Variants in PDCL observed in about 807,000 individuals in gnomAD.
PDCL encodes phosducin like, also known as phosducin-like protein.
In PDCL, 11 loss-of-function variants were observed where a neutral mutation model predicts 26.7. The observed-to-expected ratio is 0.41, with a 90% CI of 0.26 to 0.68. The LOEUF (loss-of-function observed/expected upper bound fraction) is 0.68. Ranked by LOEUF, PDCL falls within the 30% of genes least tolerant of loss-of-function variation. PDCL has a pLI of 0.30. For missense variants in PDCL, 330 were observed against 371.6 expected (o/e 0.89, Z 0.92); for synonymous variants, 118 against 134.9 (o/e 0.87, Z 0.87).
At chr9:122,821,614 T>C (rs1420078841) in intron 3 of PDCL, among the ~76,000 whole-genome samples, 1 of 152,232 alleles carries the variant, frequency 6.6e-6, no homozygotes, top group African/African-American at 2.4e-5. Flanking sequence ...GTCACTTTGC[T>C]TAATCACTTC....
At position 122,819,242 on chromosome 9, in the gene PDCL, G is replaced by A. The variant is rs1428015697; in HGVS notation, c.*843C>T. The stretch of plus-strand genomic sequence containing the variant: ...CTTATTTTTGCTTCTGTTTTGGTCA[G>A]TTTTCCTCTACTGAATATGAATTAC... On this transcript the variant is annotated 3_prime_UTR_variant, in exon 4 of 4. Transcript: ENST00000259467. The A allele has an allele frequency of 6.7e-6, 1 of 149,874 alleles. No homozygotes were observed. The highest frequency in any genetic ancestry group is 1.5e-5 in the Non-Finnish European group (1 of 67,754). The allele number at this position is 149,874 out of a possible 1,614,324, so 9.3% of individuals were successfully genotyped here.
rs1165179338 is a variant in PDCL, at chr9:122,826,635, T to G, written c.153A>C (p.Glu51Asp). ...CAGTACCTGTGTTAACTGAGATGCC[T>G]TCGCCTGCCAGCTCAGCCTCTGCAG... is the stretch of plus-strand genomic sequence containing the variant. The part of the protein sequence containing the change: ...SVPAEAELAG[E>D]GISVNTGPKG... The change falls in exon 2 of 4, where the codon GAA (glutamate) becomes GAC (aspartate). Residue 51 changes from glutamate (E) to aspartate (D), a missense_variant. Physicochemically the swap from Glu to Asp is conservative, Grantham distance 45. Coordinates refer to ENST00000259467, the MANE Select transcript of PDCL (RefSeq NM_005388.5). 1 of 1,614,206 alleles carries G rather than the reference T, an allele frequency of 6.2e-7. No individual in the cohort carries two copies. The highest frequency in any genetic ancestry group is 8.5e-7 in the Non-Finnish European group (1 of 1,180,026).
rs1829535820 is a variant in PDCL at position 122,820,267 on chromosome 9, C to T, written c.724G>A (p.Gly242Ser). 2 of 1,614,118 alleles carry T rather than the reference C, an allele frequency of 1.2e-6. No individual in the cohort carries two copies. Among genetic ancestry groups the T allele is most frequent in the East Asian group, 4.5e-5 (2 of 44,882 alleles). The change falls in exon 4 of 4, where the codon GGT becomes AGT. Residue 242 changes from glycine to serine, a missense_variant. Coordinates refer to ENST00000259467, the MANE Select transcript of PDCL (RefSeq NM_005388.5). ...CGAACAAAATTGCCGATCAATTCAC[C>T]CCCCTTATAGATCAGCAGGGCAGGA... The part of the protein sequence containing the change: ...ALPALLIYKG[G>S]ELIGNFVRVT...
chr9:122,825,457 C>T (rs1018887222), intron 2 of PDCL, among the ~76,000 whole-genome samples: 51 of 152,184 alleles, frequency 3.4e-4, no homozygotes, highest in Non-Finnish European at 6.6e-4. Context: ...CCACTGTGCT[C>T]AGCCAGGAGA....
rs1829537473 is a variant in PDCL, at chr9:122,820,376, A to C, written c.615T>G (p.Leu205=). The change falls in exon 4 of 4, where the codon CTT becomes CTG. Residue 205 remains leucine (L), a synonymous_variant. Transcript: ENST00000259467. ...ACTTGACAGCTGGGTACTCTGCGGC[A>C]AGGCAGATCATGCAACCATTCATGG... ...TEAMNGCMIC[L]AAEYPAVKFC... is the part of the protein sequence containing the mutation. 6.2e-7 allele frequency: 1 copy of C among 1,614,084 alleles called. No individual in the cohort carries two copies. The highest frequency in any genetic ancestry group is 1.3e-5 in the African/African-American group (1 of 74,926).
Position 122,819,244 on chromosome 9 carries a change from T to C in PDCL, c.*841A>G, listed in dbSNP as rs1372906031. 1 of 152,006 alleles carries C rather than the reference T, an allele frequency of 6.6e-6. No individual in the cohort carries two copies. The highest frequency in any genetic ancestry group is 1.5e-5 in the Non-Finnish European group (1 of 68,016). 9.4% of individuals were successfully genotyped at this position (152,006 alleles called of 1,614,324 possible). On this transcript the variant is annotated 3_prime_UTR_variant, in exon 4 of 4. Coordinates refer to ENST00000259467, the MANE Select transcript of PDCL (RefSeq NM_005388.5). ...TATTTTTGCTTCTGTTTTGGTCAGT[T>C]TTCCTCTACTGAATATGAATTACTT...
rs751358221 is a variant in PDCL at position 122,823,175 on chromosome 9, G to A, written c.195C>T (p.Asp65=). The part of the protein sequence containing the change: ...VNTGPKGVIN[D]WRRFKQLETE... ...TCTCCAACTGCTTGAAGCGGCGCCA[G>A]TCATTGATCACACCTTTTGGGCCTG... The change falls in exon 3 of 4, where the codon GAC becomes GAT. Residue 65 remains aspartate, a synonymous_variant. Coordinates refer to ENST00000259467, the MANE Select transcript of PDCL (RefSeq NM_005388.5). 70 of 1,613,972 alleles carry A rather than the reference G, an allele frequency of 4.3e-5. No homozygotes were observed. In the South Asian group the frequency reaches 6.9e-4, roughly 16 times the overall value.
chr9:122,820,843 A>C, intron 3 of PDCL: 3 of 510,016 alleles, frequency 5.9e-6, no homozygotes, highest in East Asian at 4.2e-5. Context: ...AAAAAAAAAA[A>C]AGTTAGCAGG....
chr9:122,821,081 A>G (rs1476842926), intron 3 of PDCL, among the ~76,000 whole-genome samples: 1 of 152,154 alleles, frequency 6.6e-6, no homozygotes, highest in Non-Finnish European at 1.5e-5. Context: ...CTTTACATGC[A>G]TTATATCTCA....
At chr9:122,826,221 A>G (rs755015587) in intron 2 of PDCL, among the ~76,000 whole-genome samples, 2 of 152,248 alleles carry the variant, frequency 1.3e-5, no homozygotes, top group Non-Finnish European at 2.9e-5. Context: ...ACGGAGAAAC[A>G]CAGATTGCTG....
rs1308625450 is a variant in PDCL at position 122,818,846 on chromosome 9, T to A, written c.*1239A>T. On this transcript the variant is annotated 3_prime_UTR_variant, in exon 4 of 4. Transcript: ENST00000259467. The stretch of plus-strand genomic sequence containing the variant: ...GGATTAATTTTGGTTGGTGGAATTA[T>A]ATGGCTTTTAAGTCTTAACAGTGTT... 2 of 152,140 alleles carry A rather than the reference T, an allele frequency of 1.3e-5. No homozygotes were observed. The highest frequency in any genetic ancestry group is 2.9e-5 in the Non-Finnish European group (2 of 68,000). 9.4% of individuals were successfully genotyped at this position (152,140 alleles called of 1,614,324 possible).
chr9:122,818,760 G>C lies in PDCL; in HGVS notation c.*1325C>G, dbSNP rs1829517183. 1 of 151,548 alleles carries C rather than the reference G, an allele frequency of 6.6e-6. No individual in the cohort carries two copies. The highest frequency in any genetic ancestry group is 6.6e-5 in the Admixed American group (1 of 15,218). 9.4% of individuals were successfully genotyped at this position (151,548 alleles called of 1,614,324 possible). On this transcript the variant is annotated 3_prime_UTR_variant, in exon 4 of 4. Coordinates refer to ENST00000259467, the MANE Select transcript of PDCL (RefSeq NM_005388.5). ...TTAAAAAAAGGAAAAAAACGCAAAT[G>C]ATAATTATTATAAATACATAGAAAA...
intron 3 of PDCL, among the ~76,000 whole-genome samples, chr9:122,822,763 C>A (rs1829568040): frequency 6.6e-6 from 1 of 152,172 alleles, no homozygotes; most frequent in Non-Finnish European, 1.5e-5. Flanking sequence ...AACAACACAG[C>A]CCTGCACGGG....
At position 122,820,240 on chromosome 9, in the gene PDCL, C is replaced by T. The variant is rs1829535246; in HGVS notation, c.751G>A (p.Val251Ile). The T allele has an allele frequency of 5.6e-6, 9 of 1,614,166 alleles. No homozygotes were observed. The East Asian group carries it at 2.0e-4, about 36-fold the overall frequency. ...AAATCATCCCCCAGCTGGTCAGTAA[C>T]ACGAACAAAATTGCCGATCAATTCA... ...GGELIGNFVRVTDQLGDDFFA... is the reference protein window; with the variant it reads ...GGELIGNFVRITDQLGDDFFA... Residue 251 changes from valine (V) to isoleucine (I), a missense_variant, in exon 4 of 4, where the codon GTT becomes ATT. Coordinates refer to ENST00000259467, the MANE Select transcript of PDCL (RefSeq NM_005388.5).
At position 122,823,039 on chromosome 9, in the gene PDCL, G is replaced by C. The variant is rs764377216; in HGVS notation, c.331C>G (p.Leu111Val). ...ACCTTCCCACTGATCTTCTCCTGGA[G>C]GTCTTTCTGTTTCTGTTGCTCCTCC... is the stretch of plus-strand genomic sequence containing the variant. ...EEEEQQKQKD[L>V]QEKISGKMTL... The change falls in exon 3 of 4, where the codon CTC becomes GTC. Residue 111 changes from leucine (L) to valine (V), a missense_variant. Coordinates refer to ENST00000259467, the MANE Select transcript of PDCL (RefSeq NM_005388.5). 1.2e-6 allele frequency: 2 copies of C among 1,614,108 alleles called. No homozygotes were observed. Among genetic ancestry groups the C allele is most frequent in the Non-Finnish European group, 1.7e-6 (2 of 1,179,990 alleles).
In PDCL at chr9:122,819,490, T is replaced by A. The variant is rs534702800; in HGVS notation, c.*595A>T. 6.6e-6 allele frequency: 1 copy of A among 152,282 alleles called. No homozygotes were observed. Among genetic ancestry groups the A allele is most frequent in the Non-Finnish European group, 1.5e-5 (1 of 68,050 alleles). The allele number at this position is 152,282 out of a possible 1,614,324, so 9.4% of individuals were successfully genotyped here. On this transcript the variant is annotated 3_prime_UTR_variant, in exon 4 of 4. Transcript: ENST00000259467. ...TCTAACATCACCAGGTCAGTAAGCA[T>A]CAACCCTTCCTGCTGTTCCAGACTT...
intron 3 of PDCL, among the ~76,000 whole-genome samples, chr9:122,822,118 T>C (rs2131362121): frequency 6.6e-6 from 1 of 152,266 alleles, no homozygotes; most frequent in Middle Eastern, 3.4e-3. Flanking sequence ...ATTCCCAGCT[T>C]AATCCTCTTA....
rs779359405 is a variant in PDCL, at chr9:122,820,157, T to G, written c.834A>C (p.Glu278Asp). 3.1e-6 allele frequency: 5 copies of G among 1,614,202 alleles called. No individual in the cohort carries two copies. The highest frequency in any genetic ancestry group is 4.2e-6 in the Non-Finnish European group (5 of 1,180,022). ...TACGCACAGATGTCAGCACCAAGAC[T>G]TCCTTTTCTGGGAGTAATCCAAATT... The part of the protein sequence containing the change: ...LQEFGLLPEK[E>D]VLVLTSVRNS... The change falls in exon 4 of 4, where the codon GAA (glutamate) becomes GAC (aspartate). Residue 278 changes from glutamate to aspartate, a missense_variant. Coordinates refer to ENST00000259467, the MANE Select transcript of PDCL (RefSeq NM_005388.5).
At chr9:122,822,570 A>G (rs1483134644) in intron 3 of PDCL, among the ~76,000 whole-genome samples, 1 of 152,194 alleles carries the variant, frequency 6.6e-6, no homozygotes, top group Non-Finnish European at 1.5e-5. Flanking sequence ...AGAATTTACC[A>G]GTTGCATTGC....
Sources: gnomAD v4.1 joint callset for allele counts (sites outside exome capture counted in the v4.1 genomes callset) on GRCh38, gnomAD v4.1.1 for gene constraint, MANE v1.5 for transcripts, NCBI Gene and HGNC (gene_info 2026-07-23, HGNC 2026-07-21) for gene names.